STRBP: variants seen among roughly 807,000 people sequenced by gnomAD.
STRBP encodes the protein spermatid perinuclear RNA binding protein, also known as spermatid perinuclear RNA-binding protein.
A neutral mutation model predicts 80.1 loss-of-function variants in STRBP; 13 were observed. The observed-to-expected ratio is 0.16, with a 90% CI of 0.11 to 0.26. The LOEUF (loss-of-function observed/expected upper bound fraction) is 0.26, where lower values mean the gene tolerates loss of function less well. Ranked by LOEUF, STRBP falls within the 10% of genes least tolerant of loss-of-function variation. STRBP has a pLI of 1.00. For missense variants in STRBP, 485 were observed against 815.2 expected, an observed-to-expected ratio of 0.59 and a Z score of 4.93; for synonymous variants, 284 against 291.2, an observed-to-expected ratio of 0.98 and a Z score of 0.25.
In STRBP at chr9:123,173,860, C is replaced by T; in HGVS notation, c.225-18G>A. On this transcript the variant is annotated intron_variant, in intron 4 of 18. Transcript: ENST00000348403. ...CTTGATCCCTAAAAATAAAAGTCTG[C>T]ATGATTACTTTCACAACCTATTTCC... The T allele has an allele frequency of 6.3e-7, 1 of 1,579,442 alleles. No homozygotes were observed. Among genetic ancestry groups the T allele is most frequent in the Non-Finnish European group, 8.6e-7 (1 of 1,167,398 alleles).
chr9:123,258,832 A>C (rs2041096576), intron 1 of STRBP, among the ~76,000 whole-genome samples: 1 of 151,548 alleles, frequency 6.6e-6, no homozygotes, highest in Non-Finnish European at 1.5e-5. Context: ...ATCCGTAAGA[A>C]GACCATTGTG....
At chr9:123,215,145 C>T (rs1362449178) in intron 2 of STRBP, among the ~76,000 whole-genome samples, 2 of 152,048 alleles carry the variant, frequency 1.3e-5, no homozygotes, top group African/African-American at 4.8e-5. Flanking sequence ...TAGCTCACTG[C>T]GACCTCGAAC....
At chr9:123,169,714 A>G (rs933983700) in intron 6 of STRBP, among the ~76,000 whole-genome samples, 188 bp downstream of exon 6, 13 of 152,132 alleles carry the variant, frequency 8.5e-5, no homozygotes, top group African/African-American at 3.1e-4. Flanking sequence ...GAATTCATAC[A>G]TTTTTGCAAA....
chr9:123,238,001 A>T lies in STRBP; in HGVS notation c.-301-1035T>A, dbSNP rs563076969. On this transcript the variant is annotated intron_variant, in intron 1 of 18. Coordinates refer to ENST00000348403, the MANE Select transcript of STRBP (RefSeq NM_018387.5). ...GCCACCTGTGTAACCTTGAGATCGG[A>T]ACTTAACCTTTCTGTCTCTGTAAAA... is the stretch of plus-strand genomic sequence containing the variant. Among the ~76,000 whole-genome samples, 380 of 152,310 alleles carry T rather than the reference A, an allele frequency of 2.5e-3. 3 individuals are homozygous for T. Among genetic ancestry groups the T allele is most frequent in the South Asian group, 4.8e-3 (23 of 4,814 alleles).
At chr9:123,144,378 T>A (rs1050729796) in intron 13 of STRBP, among the ~76,000 whole-genome samples, 2 of 152,102 alleles carry the variant, frequency 1.3e-5, no homozygotes, top group African/African-American at 4.8e-5. Flanking sequence ...ATTTTCCAAA[T>A]CCCCAGTGGA....
chr9:123,166,635 T>C (rs2037770793), intron 6 of STRBP, among the ~76,000 whole-genome samples: 2 of 151,964 alleles, frequency 1.3e-5, no homozygotes, highest in African/African-American at 4.8e-5. Flanking sequence ...GCACCTGTAG[T>C]CCCAGCTACT....
intron 2 of STRBP, among the ~76,000 whole-genome samples, chr9:123,191,953 AAGG>A (rs1245381450): frequency 6.6e-6 from 1 of 152,186 alleles, no homozygotes; most frequent in East Asian, 1.9e-4. Context: ...GAGGCCACTT[AAGG>A]AGGTTTAGTG....
intron 3 of STRBP, chr9:123,112,338 G>C (rs1266645313): frequency 6.0e-6 from 1 of 167,252 alleles, no homozygotes; most frequent in Admixed American, 6.5e-5. Context: ...CCGCGGGGCT[G>C]CTGGGGCTTC....
chr9:123,256,923 T>C (rs1000087821), intron 1 of STRBP, among the ~76,000 whole-genome samples: 9 of 151,322 alleles, frequency 5.9e-5, no homozygotes, highest in Non-Finnish European at 1.2e-4. Flanking sequence ...TTGGTCAACA[T>C]TATAATGAAA....
downstream of STRBP, among the ~76,000 whole-genome samples, chr9:123,117,504 C>T (rs543370868): frequency 5.9e-5 from 9 of 152,278 alleles, no homozygotes; most frequent in South Asian, 1.2e-3. Flanking sequence ...GCAGGGCTTA[C>T]CATACACGGG....
chr9:123,259,658 G>A (rs920842223), intron 1 of STRBP, among the ~76,000 whole-genome samples: 11 of 152,078 alleles, frequency 7.2e-5, no homozygotes, highest in African/African-American at 1.4e-4. Flanking sequence ...GCGGTAAGCC[G>A]AGATCACGCC....
intron 16 of STRBP, among the ~76,000 whole-genome samples, chr9:123,133,231 A>G (rs2036214766): frequency 6.6e-6 from 1 of 152,240 alleles, no homozygotes; most frequent in South Asian, 2.1e-4. Flanking sequence ...AAATTTCAGT[A>G]ATCAATTTAT....
At chr9:123,235,298 T>G (rs1410006592) in intron 2 of STRBP, among the ~76,000 whole-genome samples, 1 of 151,498 alleles carries the variant, frequency 6.6e-6, no homozygotes, top group Non-Finnish European at 1.5e-5. Context: ...TTTAGGTTTT[T>G]TTTTTTCATT....
chr9:123,185,919 C>T (rs1205813920), intron 2 of STRBP, among the ~76,000 whole-genome samples: 1 of 151,624 alleles, frequency 6.6e-6, no homozygotes, highest in Non-Finnish European at 1.5e-5. Flanking sequence ...GTAGTCCCAG[C>T]TACTCGGGAG....
intron 4 of STRBP, among the ~76,000 whole-genome samples, chr9:123,176,840 A>T (rs1222326152): frequency 5.9e-5 from 9 of 152,220 alleles, no homozygotes; most frequent in African/African-American, 2.2e-4. Flanking sequence ...CTATATGTGA[A>T]TTTAAAATTA....
At chr9:123,251,240 AG>A (rs142503742) in intron 1 of STRBP, among the ~76,000 whole-genome samples, 1 of 151,342 alleles carries the variant, frequency 6.6e-6, no homozygotes, top group African/African-American at 2.4e-5. Flanking sequence ...TCAAAGAAGA[AG>A]AAGAAGGAGA....
rs982862652 is a variant in STRBP at position 123,184,003 on chromosome 9, CTTTATA to C, written c.3+123_3+128del. The C allele has an allele frequency of 9.3e-6, 7 of 752,550 alleles. No homozygotes were observed. The East Asian group carries it at 1.9e-4, about 20-fold the overall frequency. 46.6% of individuals were successfully genotyped at this position (752,550 alleles called of 1,614,324 possible). On this transcript the variant is annotated intron_variant, in intron 3 of 18. Transcript: ENST00000348403. ...TTCGCTTTGAATAGTAGAGTGCCAT[CTTTATA>C]TGACACACTAAAGCCAAAAATTAAC...
At chr9:123,196,977 A>G (rs2039115167) in intron 2 of STRBP, among the ~76,000 whole-genome samples, 1 of 152,226 alleles carries the variant, frequency 6.6e-6, no homozygotes. Context: ...CAAGATTTGG[A>G]AGCAACCTAA....
At chr9:123,147,648 A>G in intron 12 of STRBP, 130 bp downstream of exon 12, 1 of 715,624 alleles carries the variant, frequency 1.4e-6, no homozygotes, top group Non-Finnish European at 2.2e-6. Context: ...ACTGCACTCC[A>G]GTCTCAGTGA....
Sources: allele counts gnomAD v4.1 joint callset (sites outside exome capture counted in the v4.1 genomes callset), GRCh38; gene constraint gnomAD v4.1.1; transcripts MANE v1.5; gene names NCBI Gene and HGNC (gene_info 2026-07-23, HGNC 2026-07-21).